PICALM: variants seen among roughly 807,000 people sequenced by gnomAD.
The protein encoded by PICALM is phosphatidylinositol-binding clathrin assembly protein.
A neutral mutation model predicts 80.5 loss-of-function variants in PICALM; 40 were observed. That is an observed-to-expected ratio of 0.50 (90% confidence interval 0.39 to 0.65). The LOEUF (loss-of-function observed/expected upper bound fraction) is 0.65. PICALM is among the 30% of genes least tolerant of loss of function. The pLI is 0.00. For synonymous variants in PICALM, 288 were observed against 260.3 expected (o/e 1.11, Z -1.02); for missense variants, 676 against 778.9 (o/e 0.87, Z 1.57).
intron 8 of PICALM, among the ~76,000 whole-genome samples, chr11:86,006,876 T>C (rs758635286): frequency 2.6e-5 from 4 of 152,284 alleles, no homozygotes; most frequent in East Asian, 3.9e-4. Context: ...AATATTAAAA[T>C]AGCAAACATT....
intron 8 of PICALM, among the ~76,000 whole-genome samples, chr11:86,007,083 AC>A (rs1224524681): frequency 6.6e-6 from 1 of 151,896 alleles, no homozygotes; most frequent in Non-Finnish European, 1.5e-5. Context: ...CGTATCCCAA[AC>A]CCTACTCTCT....
chr11:85,967,604 A>G (rs1271819384), intron 19 of PICALM, among the ~76,000 whole-genome samples: 1 of 152,230 alleles, frequency 6.6e-6, no homozygotes, highest in Non-Finnish European at 1.5e-5. Flanking sequence ...AATGAGCACA[A>G]CACATTGCTT....
At chr11:85,985,703 GA>G (rs550292493) in intron 13 of PICALM, among the ~76,000 whole-genome samples, 1 of 152,076 alleles carries the variant, frequency 6.6e-6, no homozygotes, top group Non-Finnish European at 1.5e-5. Flanking sequence ...ATCTACTCAA[GA>G]AAAAAATCCA....
intron 13 of PICALM, among the ~76,000 whole-genome samples, chr11:85,984,782 T>C (rs1176848555): frequency 2.6e-5 from 4 of 152,166 alleles, no homozygotes; most frequent in African/African-American, 7.2e-5. Flanking sequence ...GATCAGCCTA[T>C]ACAGAGTTAA....
In PICALM at chr11:85,958,494, A is replaced by G. The variant is rs1223338805; in HGVS notation, c.*552T>C. 2 of 209,182 alleles carry G rather than the reference A, an allele frequency of 9.6e-6. No homozygotes were observed. Among genetic ancestry groups the G allele is most frequent in the Admixed American group, 5.9e-5 (1 of 16,954 alleles). The allele number at this position is 209,182 out of a possible 1,614,324, so 13.0% of individuals were successfully genotyped here. The stretch of plus-strand genomic sequence containing the variant: ...TTAATGTTATGTAAAATTGATAATC[A>G]TAAATAAATACAAATACTTAAGGAA... On this transcript the variant is annotated 3_prime_UTR_variant, in exon 20 of 20. Coordinates refer to ENST00000393346, the MANE Select transcript of PICALM (RefSeq NM_007166.4).
chr11:86,054,287 T>C (rs1317591654), intron 1 of PICALM, among the ~76,000 whole-genome samples: 1 of 152,164 alleles, frequency 6.6e-6, no homozygotes, highest in Non-Finnish European at 1.5e-5. Context: ...ACAAACTATG[T>C]GTGAAAAGGA....
At chr11:86,062,347 T>A (rs1257921321) in intron 1 of PICALM, among the ~76,000 whole-genome samples, 1 of 152,032 alleles carries the variant, frequency 6.6e-6, no homozygotes, top group Non-Finnish European at 1.5e-5. Flanking sequence ...TGAAGCCCCA[T>A]CTCTATCAAA....
At chr11:85,983,094 C>T (rs2094490039) in intron 14 of PICALM, among the ~76,000 whole-genome samples, 1 of 152,072 alleles carries the variant, frequency 6.6e-6, no homozygotes, top group East Asian at 1.9e-4. Flanking sequence ...ATTCTTAGTC[C>T]ATACATATTC....
Position 86,017,310 on chromosome 11 carries a change from C to T in PICALM, c.453-2347G>A, listed in dbSNP as rs935753750. The stretch of plus-strand genomic sequence containing the variant: ...AATCCAAGATTAAAATATAAAACAC[C>T]TAATCCATAAATATAACTGATGAAA... On this transcript the variant is annotated intron_variant, in intron 4 of 19. Transcript: ENST00000393346. Among the ~76,000 whole-genome samples the T allele has an allele frequency of 3.3e-5, 5 of 151,856 alleles. No homozygotes were observed. In the East Asian group the frequency reaches 9.7e-4, roughly 29 times the overall value.
intron 1 of PICALM, among the ~76,000 whole-genome samples, chr11:86,034,288 T>A (rs2095805926): frequency 6.6e-6 from 1 of 152,152 alleles, no homozygotes; most frequent in South Asian, 2.1e-4. Context: ...AGCCAGTCAT[T>A]TTCTCCATAC....
intron 1 of PICALM, among the ~76,000 whole-genome samples, chr11:86,064,917 TAA>T (rs940317840): frequency 4.6e-5 from 7 of 151,658 alleles, no homozygotes; most frequent in African/African-American, 1.2e-4. Flanking sequence ...TCTCCAAAAA[TAA>T]AAAGTTTCTT....
chr11:86,033,964 C>T (rs1296903751), intron 1 of PICALM, among the ~76,000 whole-genome samples: 1 of 152,150 alleles, frequency 6.6e-6, no homozygotes, highest in Non-Finnish European at 1.5e-5. Context: ...GAGCCCAATA[C>T]ATGTGCAAAT....
rs1412981874 is a variant in PICALM at position 85,981,198 on chromosome 11, C to A, written c.1710G>T (p.Lys570Asn). The change falls in exon 17 of 20, where the codon AAG (lysine) becomes AAT (asparagine). Residue 570 changes from lysine (K) to asparagine (N), a missense_variant. Physicochemically the swap from Lys to Asn is moderately conservative, Grantham distance 94 (BLOSUM62 0). This residue lies in a region of PICALM where 391 missense variants were observed against 383.6 expected (regional missense o/e 1.02). Coordinates refer to ENST00000393346, the MANE Select transcript of PICALM (RefSeq NM_007166.4). ...GCCAGTTAGATCCCCCAGTTAACTTCTTTTCACCTGGTTGACTCCAATTTA... is the reference window on the plus strand; with the variant it reads ...GCCAGTTAGATCCCCCAGTTAACTTATTTTCACCTGGTTGACTCCAATTTA... ...NDVNWSQPGE[K>N]KLTGGSNWQP... The A allele has an allele frequency of 1.2e-6, 2 of 1,602,890 alleles. No individual in the cohort carries two copies. Among genetic ancestry groups the A allele is most frequent in the Non-Finnish European group, 1.7e-6 (2 of 1,169,762 alleles).
At chr11:85,974,478 T>C (rs534362699) in intron 19 of PICALM, 2 of 638,022 alleles carry the variant, frequency 3.1e-6, no homozygotes, top group African/African-American at 1.8e-5. Context: ...CTACCAACTA[T>C]AAGTTACCAA....
chr11:85,958,145 G>T lies in PICALM; in HGVS notation c.*901C>A, dbSNP rs533066609. ...AATGTCAAATGGAAAATAATGACATGCCAAGCACAAAGCAGTAAAGATCCT... is the reference window on the plus strand; with the variant it reads ...AATGTCAAATGGAAAATAATGACATTCCAAGCACAAAGCAGTAAAGATCCT... On this transcript the variant is annotated 3_prime_UTR_variant, in exon 20 of 20. Transcript: ENST00000393346. The T allele has an allele frequency of 2.7e-5, 6 of 223,822 alleles. No homozygotes were observed. In the South Asian group the frequency reaches 9.2e-4, roughly 34 times the overall value. 13.9% of individuals were successfully genotyped at this position (223,822 alleles called of 1,614,324 possible). A position where few individuals can be genotyped will look rare whatever the true frequency, so the allele number is the denominator to read the frequency against.
intron 1 of PICALM, among the ~76,000 whole-genome samples, chr11:86,055,668 G>A (rs1217974679): frequency 6.6e-6 from 1 of 152,004 alleles, no homozygotes; most frequent in East Asian, 1.9e-4. Flanking sequence ...AAATATCTTT[G>A]GTTTTCCTTA....
intron 13 of PICALM, among the ~76,000 whole-genome samples, chr11:85,989,017 T>G (rs2094677840): frequency 6.6e-6 from 1 of 152,194 alleles, no homozygotes; most frequent in Admixed American, 6.5e-5. Flanking sequence ...ACGACTCTCC[T>G]TTATGTACAA....
rs886740855 is a variant in PICALM, at chr11:85,959,021, A to G, written c.*25T>C. The stretch of plus-strand genomic sequence containing the variant: ...GCTGCTTGAGCACTTGTCTTTTTGG[A>G]GTAATTCCATTTTCTTCCATCAAGT... On this transcript the variant is annotated 3_prime_UTR_variant, in exon 20 of 20. Transcript: ENST00000393346. The G allele has an allele frequency of 5.7e-6, 9 of 1,579,476 alleles. No individual in the cohort carries two copies. In the African/African-American group the frequency reaches 1.1e-4, roughly 19 times the overall value.
At chr11:86,055,647 A>T (rs2096257425) in intron 1 of PICALM, among the ~76,000 whole-genome samples, 1 of 152,194 alleles carries the variant, frequency 6.6e-6, no homozygotes, top group Non-Finnish European at 1.5e-5. Context: ...ACTTCAAAAG[A>T]TTAAAAACCC....
Sources: gnomAD v4.1 joint callset for allele counts (sites outside exome capture counted in the v4.1 genomes callset) on GRCh38, gnomAD v4.1.1 for gene constraint, gnomAD v4.1.1 regional missense constraint, MANE v1.5 for transcripts, NCBI Gene and HGNC (gene_info 2026-07-23, HGNC 2026-07-21) for gene names.